Variants in OSBPL6 observed in about 807,000 individuals in gnomAD.
The protein encoded by OSBPL6 is oxysterol-binding protein-related protein 6.
Under a neutral mutation model 125.8 loss-of-function variants are expected in OSBPL6, and 49 were observed. The observed-to-expected ratio is 0.39, with a 90% confidence interval of 0.31 to 0.49. OSBPL6 has a LOEUF of 0.49. Ranked by LOEUF, OSBPL6 falls within the 20% of genes least tolerant of loss-of-function variation. OSBPL6 has a pLI of 0.88. For missense variants in OSBPL6, 986 were observed against 1,135.4 expected, an observed-to-expected ratio of 0.87 and a Z score of 1.89; for synonymous variants, 394 against 391.8, an observed-to-expected ratio of 1.01 and a Z score of -0.07.
chr2:178,308,152 T>C (rs1686950955), intron 3 of OSBPL6, among the ~76,000 whole-genome samples: 2 of 152,222 alleles, frequency 1.3e-5, no homozygotes, highest in South Asian at 4.1e-4. Flanking sequence ...AAAACTTTCT[T>C]CCCTGGTTCC....
intron 23 of OSBPL6, 70 bp from the exon 24 acceptor site, chr2:178,394,243 G>T: frequency 3.2e-6 from 5 of 1,562,468 alleles, no homozygotes; most frequent in Non-Finnish European, 4.4e-6. Flanking sequence ...AAACAATTTT[G>T]TGCAAATGAG....
At chr2:178,359,712 T>C (rs920314108) in intron 12 of OSBPL6, among the ~76,000 whole-genome samples, 5 of 152,118 alleles carry the variant, frequency 3.3e-5, no homozygotes, top group Admixed American at 1.3e-4. Flanking sequence ...CACAATGGAG[T>C]ATTATTCAGC....
chr2:178,313,989 C>T lies in OSBPL6; in HGVS notation c.102+7703C>T, dbSNP rs146654646. On this transcript the variant is annotated intron_variant, in intron 3 of 24. Coordinates refer to ENST00000190611, the MANE Select transcript of OSBPL6 (RefSeq NM_032523.4). The stretch of plus-strand genomic sequence containing the variant: ...CTCATCAACATCTATCCTTTATGTG[C>T]AAAGTTTTCATAACAAGTTTTCTTG... 2.3e-3 allele frequency among the ~76,000 whole-genome samples: 354 copies of T among 152,276 alleles called. 3 individuals are homozygous for T. The highest frequency in any genetic ancestry group is 8.2e-3 in the African/African-American group (342 of 41,560).
At chr2:178,206,881 C>A (rs989943780) in intron 1 of OSBPL6, among the ~76,000 whole-genome samples, 1 of 152,170 alleles carries the variant, frequency 6.6e-6, no homozygotes, top group Non-Finnish European at 1.5e-5. Flanking sequence ...TCCCAAAGTG[C>A]TGGGATTACA....
intron 1 of OSBPL6, among the ~76,000 whole-genome samples, chr2:178,215,791 A>C (rs995034372): frequency 6.6e-6 from 1 of 152,136 alleles, no homozygotes; most frequent in Non-Finnish European, 1.5e-5. Flanking sequence ...TGAGGAGATG[A>C]CTTTGAGGTG....
chr2:178,384,689 T>G (rs1559322764), intron 18 of OSBPL6, among the ~76,000 whole-genome samples: 1 of 152,162 alleles, frequency 6.6e-6, no homozygotes, highest in Non-Finnish European at 1.5e-5. Context: ...TAATCAGATA[T>G]GCATCTCTCT....
chr2:178,392,412 G>T lies in OSBPL6; in HGVS notation c.2447G>T (p.Gly816Val). The change falls in exon 23 of 25, where the codon GGT becomes GTT. Residue 816 changes from glycine to valine, a missense_variant and splice_region_variant. This residue lies in a region of OSBPL6 where 843 missense variants were observed against 997.3 expected (regional missense o/e 0.85). Transcript: ENST00000190611. ...CAGTGGTTCATTGGCCTCTTTCCAG[G>T]TTCCATGCCAACAAACTATGAGCTG... ...APSAKCIWRP[G>V]SMPTNYELYY... is the part of the protein sequence containing the mutation. The T allele has an allele frequency of 6.2e-7, 1 of 1,613,840 alleles. No homozygotes were observed. Among genetic ancestry groups the T allele is most frequent in the Non-Finnish European group, 8.5e-7 (1 of 1,179,836 alleles).
intron 23 of OSBPL6, 112 bp downstream of exon 23, chr2:178,392,650 A>G (rs1575057721): frequency 3.0e-6 from 4 of 1,341,784 alleles, no homozygotes; most frequent in Middle Eastern, 2.7e-4. Flanking sequence ...GAGGTCAGGA[A>G]TTCAAGACCA....
chr2:178,252,329 G>A (rs1004211339), intron 1 of OSBPL6, among the ~76,000 whole-genome samples: 2 of 102,246 alleles, frequency 2.0e-5, no homozygotes, highest in Admixed American at 9.0e-5. Context: ...ACCTTCTGTT[G>A]CCAACTACTC....
intron 1 of OSBPL6, among the ~76,000 whole-genome samples, chr2:178,256,319 G>A (rs929686501): frequency 1.3e-5 from 2 of 152,344 alleles, no homozygotes; most frequent in African/African-American, 2.4e-5. Context: ...TGCTAACAGG[G>A]TGATATAACT....
intron 3 of OSBPL6, chr2:178,320,470 AT>A: frequency 6.7e-7 from 1 of 1,494,026 alleles, no homozygotes. Context: ...TTAACTTATA[AT>A]TTTAGCATTT....
chr2:178,274,483 G>A (rs1416692465), intron 1 of OSBPL6, among the ~76,000 whole-genome samples: 2 of 152,062 alleles, frequency 1.3e-5, no homozygotes, highest in East Asian at 1.9e-4. Flanking sequence ...CAAAAGGCAG[G>A]TACTGTTACT....
At chr2:178,319,207 T>A (rs954651901) in intron 3 of OSBPL6, among the ~76,000 whole-genome samples, 5 of 152,188 alleles carry the variant, frequency 3.3e-5, no homozygotes, top group African/African-American at 1.2e-4. Flanking sequence ...AAATTACAAA[T>A]TGTCTGGTTT....
chr2:178,338,404 G>A (rs1010783296), intron 9 of OSBPL6, among the ~76,000 whole-genome samples: 13 of 152,138 alleles, frequency 8.5e-5, no homozygotes, highest in African/African-American at 2.9e-4. Context: ...GACAGAATGA[G>A]TTGATGTCCA....
At chr2:178,316,624 A>G (rs1478856264) in intron 3 of OSBPL6, among the ~76,000 whole-genome samples, 1 of 152,214 alleles carries the variant, frequency 6.6e-6, no homozygotes, top group Non-Finnish European at 1.5e-5. Context: ...ACTGCCGTGG[A>G]TTGAAAATAT....
intron 13 of OSBPL6, among the ~76,000 whole-genome samples, chr2:178,367,040 C>A (rs1692901495): frequency 6.6e-6 from 1 of 152,070 alleles, no homozygotes; most frequent in African/African-American, 2.4e-5. Flanking sequence ...GCATAAGTGT[C>A]CAATAGTAGG....
intron 1 of OSBPL6, among the ~76,000 whole-genome samples, chr2:178,209,069 G>A (rs552839368): frequency 1.3e-5 from 2 of 152,106 alleles, no homozygotes; most frequent in East Asian, 1.9e-4. Context: ...GTAGTTAGTA[G>A]TATTTTCTCT....
chr2:178,213,106 C>T (rs913838886), intron 1 of OSBPL6, among the ~76,000 whole-genome samples: 6 of 152,194 alleles, frequency 3.9e-5, no homozygotes, highest in East Asian at 1.9e-4. Context: ...CACGCCCGGC[C>T]GAGCACGGAC....
chr2:178,252,651 C>T (rs1244725423), intron 1 of OSBPL6, among the ~76,000 whole-genome samples: 1 of 152,082 alleles, frequency 6.6e-6, no homozygotes, highest in Non-Finnish European at 1.5e-5. Flanking sequence ...TCACAGATAA[C>T]AAGATTAGCT....
Sources: gnomAD v4.1 joint callset for allele counts (sites outside exome capture counted in the v4.1 genomes callset) on GRCh38, gnomAD v4.1.1 for gene constraint, gnomAD v4.1.1 regional missense constraint, MANE v1.5 for transcripts, NCBI Gene and HGNC (gene_info 2026-07-23, HGNC 2026-07-21) for gene names.